NRG3: variants seen among roughly 807,000 people sequenced by gnomAD.
The protein encoded by NRG3 is pro-neuregulin-3, membrane-bound isoform.
In NRG3, 31 loss-of-function variants were observed where a neutral mutation model predicts 66.9. The observed-to-expected ratio is 0.46, with a 90% CI of 0.35 to 0.63. The LOEUF is 0.63. Ranked by LOEUF, NRG3 falls within the 20% of genes least tolerant of loss-of-function variation. NRG3 has a pLI of 0.00. For synonymous variants in NRG3, 393 were observed against 359.4 expected, an observed-to-expected ratio of 1.09 and a Z score of -1.06; for missense variants, 910 against 878.9, an observed-to-expected ratio of 1.04 and a Z score of -0.45.
At chr10:82,298,101 G>A (rs911298862) in intron 1 of NRG3, among the ~76,000 whole-genome samples, 3 of 151,948 alleles carry the variant, frequency 2.0e-5, no homozygotes, top group African/African-American at 4.8e-5. Context: ...CTATGGTCTT[G>A]CTACTGCACT....
intron 1 of NRG3, among the ~76,000 whole-genome samples, chr10:82,321,930 C>T (rs2081600491): frequency 6.6e-6 from 1 of 152,166 alleles, no homozygotes; most frequent in Admixed American, 6.5e-5. Flanking sequence ...CATCAAAGTG[C>T]TGTCTGAATT....
intron 2 of NRG3, among the ~76,000 whole-genome samples, chr10:82,591,577 T>C (rs1390440147): frequency 6.6e-6 from 1 of 152,246 alleles, no homozygotes; most frequent in East Asian, 1.9e-4. Flanking sequence ...GTCTTAATAG[T>C]ATTGACTTTC....
At chr10:82,631,588 G>A (rs1273370030) in intron 2 of NRG3, among the ~76,000 whole-genome samples, 1 of 132,390 alleles carries the variant, frequency 7.6e-6, no homozygotes, top group Admixed American at 7.5e-5. Context: ...TTCAGCCGTG[G>A]TTTTTTTTTT....
intron 1 of NRG3, among the ~76,000 whole-genome samples, chr10:82,278,485 T>C (rs1410104972): frequency 3.9e-5 from 6 of 152,120 alleles, no homozygotes; most frequent in Non-Finnish European, 8.8e-5. Context: ...GTTTCCTCTC[T>C]TCTGTTGAAA....
chr10:82,942,075 T>G (rs1848626318), intron 4 of NRG3, among the ~76,000 whole-genome samples: 1 of 152,022 alleles, frequency 6.6e-6, no homozygotes, highest in African/African-American at 2.4e-5. Context: ...ACATCATAGT[T>G]GAGCTCAGTG....
At chr10:82,234,921 T>G (rs769672254) in intron 1 of NRG3, among the ~76,000 whole-genome samples, 2 of 152,230 alleles carry the variant, frequency 1.3e-5, no homozygotes, top group Non-Finnish European at 2.9e-5. Context: ...TACTGTGTAA[T>G]CGGGATGTGT....
At chr10:82,956,058 T>A (rs570119658) in intron 5 of NRG3, among the ~76,000 whole-genome samples, 24 of 152,040 alleles carry the variant, frequency 1.6e-4, no homozygotes, top group African/African-American at 5.8e-4. Flanking sequence ...CAGGTGTTGA[T>A]ACCAAGAGCT....
chr10:82,175,801 A>G (rs2072989360), intron 1 of NRG3, among the ~76,000 whole-genome samples: 1 of 152,172 alleles, frequency 6.6e-6, no homozygotes, highest in African/African-American at 2.4e-5. Flanking sequence ...CTCATGCCAA[A>G]AAATACATAC....
In NRG3 at chr10:82,179,626, A is replaced by G. The variant is rs943869871; in HGVS notation, c.824-179113A>G. On this transcript the variant is annotated intron_variant, in intron 1 of 8. Transcript: ENST00000372141. ...TATATGTTTGTCTTATGCCAGTACC[A>G]TATTTTTTTATTACTGTAGCTTTGT... 4.6e-5 allele frequency among the ~76,000 whole-genome samples: 7 copies of G among 151,916 alleles called. No homozygotes were observed. The South Asian group carries it at 8.3e-4, about 18-fold the overall frequency.
At chr10:82,796,886 C>T (rs1307300957) in intron 3 of NRG3, among the ~76,000 whole-genome samples, 2 of 152,010 alleles carry the variant, frequency 1.3e-5, no homozygotes, top group Non-Finnish European at 2.9e-5. Context: ...AGAATGAAAA[C>T]AGAATGATGC....
At chr10:82,235,804 A>C (rs948657400) in intron 1 of NRG3, among the ~76,000 whole-genome samples, 1 of 152,162 alleles carries the variant, frequency 6.6e-6, no homozygotes, top group African/African-American at 2.4e-5. Context: ...TCTTTTGCTG[A>C]CCTGGAAAGT....
At chr10:82,622,174 A>G (rs1480828137) in intron 2 of NRG3, among the ~76,000 whole-genome samples, 1 of 152,100 alleles carries the variant, frequency 6.6e-6, no homozygotes, top group African/African-American at 2.4e-5. Context: ...GCTAATAAGG[A>G]CCTGAAAAGT....
chr10:82,780,463 C>CTTT (rs1007056127), intron 3 of NRG3, among the ~76,000 whole-genome samples: 3 of 122,172 alleles, frequency 2.5e-5, no homozygotes, highest in Non-Finnish European at 3.5e-5. Flanking sequence ...CATTGCGCCT[C>CTTT]TTTTTTTTTT....
intron 1 of NRG3, among the ~76,000 whole-genome samples, chr10:82,107,904 G>A (rs531601369): frequency 2.2e-4 from 34 of 152,312 alleles, no homozygotes; most frequent in African/African-American, 6.7e-4. Context: ...AGGTTGGTAA[G>A]TAAGAGAAGC....
At chr10:82,954,219 T>C (rs1592078267) in intron 5 of NRG3, among the ~76,000 whole-genome samples, 1 of 151,862 alleles carries the variant, frequency 6.6e-6, no homozygotes, top group Admixed American at 6.6e-5. Flanking sequence ...CAAATTACAA[T>C]AAAGAAGCAG....
chr10:82,006,317 C>G (rs1456988180), intron 1 of NRG3, among the ~76,000 whole-genome samples: 2 of 151,970 alleles, frequency 1.3e-5, no homozygotes, highest in East Asian at 3.9e-4. Flanking sequence ...TATTTTCTTA[C>G]AATTGAATTT....
intron 2 of NRG3, among the ~76,000 whole-genome samples, chr10:82,737,751 C>T (rs2058224836): frequency 6.6e-6 from 1 of 152,180 alleles, no homozygotes; most frequent in South Asian, 2.1e-4. Context: ...TGATGAGCCA[C>T]TGCTGTCCGA....
chr10:82,972,469 A>C (rs537872046), intron 6 of NRG3, among the ~76,000 whole-genome samples: 1 of 151,432 alleles, frequency 6.6e-6, no homozygotes, highest in East Asian at 2.0e-4. Context: ...AATATCTTCC[A>C]CTCCTTCCTC....
At chr10:81,901,262 G>A (rs1490874180) in intron 1 of NRG3, among the ~76,000 whole-genome samples, 1 of 152,248 alleles carries the variant, frequency 6.6e-6, no homozygotes, top group African/African-American at 2.4e-5. Flanking sequence ...TGAGGCAGAA[G>A]CAGAACTGCA....
Sources: allele counts gnomAD v4.1 joint callset (sites outside exome capture counted in the v4.1 genomes callset), GRCh38; gene constraint gnomAD v4.1.1; transcripts MANE v1.5; gene names NCBI Gene and HGNC (gene_info 2026-07-23, HGNC 2026-07-21).